MRPL20: variants seen among roughly 807,000 people sequenced by gnomAD.
MRPL20 encodes the protein large ribosomal subunit protein bL20m.
MRPL20 carries 21 observed loss-of-function variants against 20.0 expected under a neutral mutation model. The ratio of observed to expected loss-of-function variants is 1.05; its 90% CI spans 0.74 to 1.51. MRPL20 has a LOEUF of 1.51. MRPL20 is among the 40% of genes most tolerant of loss of function. The pLI is 0.00. For synonymous variants in MRPL20, 104 were observed against 73.0 expected (o/e 1.43, Z -2.17); for missense variants, 252 against 185.6 (o/e 1.36, Z -2.08).
intron 3 of MRPL20, chr1:1,405,549 G>T: frequency 1.6e-6 from 1 of 642,340 alleles, no homozygotes; most frequent in Non-Finnish European, 2.8e-6. Flanking sequence ...ATTGTGACCT[G>T]CTCCGTTTCC....
chr1:1,402,334 A>G (rs991937435), intron 3 of MRPL20, 78 bp from the exon 4 acceptor site: 27 of 1,509,178 alleles, frequency 1.8e-5, no homozygotes, highest in East Asian at 1.4e-4. Context: ...GCGCTGGCTC[A>G]GGAAGAACCC....
rs1570072757 is a variant in MRPL20, at chr1:1,407,125, A to T, written c.87+6T>A. The T allele has an allele frequency of 6.2e-7, 1 of 1,606,464 alleles. No individual in the cohort carries two copies. Among genetic ancestry groups the T allele is most frequent in the Non-Finnish European group, 8.5e-7 (1 of 1,176,062 alleles). On this transcript the variant is annotated splice_donor_region_variant and intron_variant, in intron 1 of 3. Transcript: ENST00000344843. Reference sequence around the variant, plus strand: ...CCAGTGCCCAGGCCGGGCAGGCGGCACTCACCCTGGCGTGCTTCAGCACCT... The same window carrying T: ...CCAGTGCCCAGGCCGGGCAGGCGGCTCTCACCCTGGCGTGCTTCAGCACCT...
intron 3 of MRPL20, among the ~76,000 whole-genome samples, chr1:1,404,246 C>T (rs545385871): frequency 4.7e-4 from 69 of 145,670 alleles, no homozygotes; most frequent in Non-Finnish European, 8.2e-4. Flanking sequence ...CTCCGTCTCC[C>T]GGGTTCACGC....
intron 2 of MRPL20, 33 bp downstream of exon 2, chr1:1,406,876 G>C (rs781542200): frequency 1.9e-5 from 30 of 1,574,766 alleles, no homozygotes; most frequent in Admixed American, 6.7e-5. Flanking sequence ...CCGCGAGTGC[G>C]CTGGCCGGCG....
intron 3 of MRPL20, among the ~76,000 whole-genome samples, chr1:1,403,140 G>C (rs1055823959): frequency 7.6e-6 from 1 of 131,452 alleles, no homozygotes; most frequent in Non-Finnish European, 1.5e-5. Flanking sequence ...AAAAAAAAAG[G>C]AACAAAAACA....
At chr1:1,403,166 G>A (rs912257746) in intron 3 of MRPL20, among the ~76,000 whole-genome samples, 3 of 151,414 alleles carry the variant, frequency 2.0e-5, no homozygotes, top group South Asian at 4.2e-4. Context: ...TTCGGCTACC[G>A]AGGACAAAGT....
intron 2 of MRPL20, chr1:1,406,577 T>A (rs868314326): frequency 4.0e-5 from 15 of 371,168 alleles, no homozygotes; most frequent in Admixed American, 7.8e-5. Context: ...CTGGGTTGAC[T>A]TCAGCTGCCA....
chr1:1,406,650 A>C, intron 2 of MRPL20: 1 of 497,722 alleles, frequency 2.0e-6, no homozygotes, highest in East Asian at 3.5e-5. Context: ...CTGGCGACGC[A>C]GGGAGAGTGT....
At chr1:1,402,356 C>T (rs1645339434) in intron 3 of MRPL20, 100 bp from the exon 4 acceptor site, 7 of 1,460,346 alleles carry the variant, frequency 4.8e-6, no homozygotes, top group South Asian at 2.8e-5. Flanking sequence ...GCTGCACACT[C>T]GCCTGGGGGG....
chr1:1,402,001 T>C lies in MRPL20; in HGVS notation c.*82A>G. ...CAGGGCCATCCCTCATGTCTGTTATTGGGTTGTAGATAAACAAAAGTATAA... is the reference window on the plus strand; with the variant it reads ...CAGGGCCATCCCTCATGTCTGTTATCGGGTTGTAGATAAACAAAAGTATAA... On this transcript the variant is annotated 3_prime_UTR_variant, in exon 4 of 4. Transcript: ENST00000344843. 3 of 1,461,560 alleles carry C rather than the reference T, an allele frequency of 2.1e-6. No homozygotes were observed. The highest frequency in any genetic ancestry group is 2.8e-6 in the Non-Finnish European group (3 of 1,076,322). The allele number at this position is 1,461,560 out of a possible 1,614,324, so 90.5% of individuals were successfully genotyped here.
intron 2 of MRPL20, 72 bp from the exon 3 acceptor site, chr1:1,405,958 A>T: frequency 6.5e-7 from 1 of 1,542,702 alleles, no homozygotes. Flanking sequence ...CCTCTAATTG[A>T]TCTAAAGAAT....
rs368168904 is a variant in MRPL20, at chr1:1,402,111, A to T, written c.422T>A (p.Ile141Asn). Reference protein sequence around the residue: ...ALGDGKEPEGIFSRVVQYH With the variant: ...ALGDGKEPEGNFSRVVQYH ...GTGGTACTGCACCACTCTGGAAAAA[A>T]TGCCTTCAGGTTCCTTCCCATCCCC... Residue 141 changes from isoleucine (I) to asparagine (N), a missense_variant, in exon 4 of 4, where the codon ATT (isoleucine) becomes AAT (asparagine). By Grantham distance (149) the Ile-to-Asn change is moderately radical (BLOSUM62 -3). Transcript: ENST00000344843. 4 of 1,614,138 alleles carry T rather than the reference A, an allele frequency of 2.5e-6. No individual in the cohort carries two copies. Among genetic ancestry groups the T allele is most frequent in the Non-Finnish European group, 3.4e-6 (4 of 1,180,012 alleles).
At chr1:1,404,134 C>T (rs904301135) in intron 3 of MRPL20, among the ~76,000 whole-genome samples, 2 of 151,974 alleles carry the variant, frequency 1.3e-5, no homozygotes, top group Non-Finnish European at 2.9e-5. Context: ...TGTAAGCCAC[C>T]GCACCCAGCC....
rs1645394728 is a variant in MRPL20 at position 1,407,264 on chromosome 1, C to G, written c.-47G>C. On this transcript the variant is annotated 5_prime_UTR_variant, in exon 1 of 4. Coordinates refer to ENST00000344843, the MANE Select transcript of MRPL20 (RefSeq NM_017971.4). ...CGAACACTCAACAACGCACGCGCAG[C>G]GCCGCTGCCATCTTGCCCGGGTCGG... 2.0e-6 allele frequency: 3 copies of G among 1,495,286 alleles called. No individual in the cohort carries two copies. The highest frequency in any genetic ancestry group is 2.4e-5 in the East Asian group (1 of 40,914). 92.6% of individuals were successfully genotyped at this position (1,495,286 alleles called of 1,614,324 possible).
chr1:1,403,630 C>T (rs542464456), intron 3 of MRPL20, among the ~76,000 whole-genome samples: 2 of 152,024 alleles, frequency 1.3e-5, no homozygotes, highest in South Asian at 4.1e-4. Flanking sequence ...TTGTAAAGCA[C>T]CAAAGAGTGC....
Position 1,402,084 on chromosome 1 carries a change from C to CA in MRPL20, c.448dup (p.Ter150LeufsTer30). On this transcript the variant is annotated frameshift_variant and stop_lost, in exon 4 of 4. Coordinates refer to ENST00000344843, the MANE Select transcript of MRPL20 (RefSeq NM_017971.4). LOFTEE classifies it high-confidence loss of function. ...TCCTAATCAATACAGCAACAGTCCTCAGTGGTACTGCACCACTCTGGAAAA... is the reference window on the plus strand; with the variant it reads ...TCCTAATCAATACAGCAACAGTCCTCAAGTGGTACTGCACCACTCTGGAAAA... 6.2e-7 allele frequency: 1 copy of CA among 1,611,844 alleles called. No individual in the cohort carries two copies. Among genetic ancestry groups the CA allele is most frequent in the African/African-American group, 1.3e-5 (1 of 74,884 alleles).
At chr1:1,404,829 CCT>C (rs1442659514) in intron 3 of MRPL20, among the ~76,000 whole-genome samples, 1 of 151,986 alleles carries the variant, frequency 6.6e-6, no homozygotes, top group Non-Finnish European at 1.5e-5. Flanking sequence ...AAAGACGTGC[CCT>C]GTTTCCAATT....
At chr1:1,406,177 G>A (rs918046682) in intron 2 of MRPL20, 5 of 334,060 alleles carry the variant, frequency 1.5e-5, no homozygotes, top group East Asian at 6.3e-5. Context: ...CCAACATGGC[G>A]GAACCCGGTC....
intron 3 of MRPL20, chr1:1,405,441 G>C (rs925303912): frequency 6.8e-6 from 4 of 591,518 alleles, no homozygotes; most frequent in Non-Finnish European, 1.2e-5. Context: ...ACCACACCCA[G>C]CAAATTTTAT....
Sources: gnomAD v4.1 joint callset for allele counts (sites outside exome capture counted in the v4.1 genomes callset) on GRCh38, gnomAD v4.1.1 for gene constraint, MANE v1.5 for transcripts, NCBI Gene and HGNC (gene_info 2026-07-23, HGNC 2026-07-21) for gene names.